ZNF682: variants seen among roughly 807,000 people sequenced by gnomAD.
ZNF682 encodes zinc finger protein 682.
Under a neutral mutation model 36.5 loss-of-function variants are expected in ZNF682, and 29 were observed. The ratio of observed to expected loss-of-function variants is 0.80; its 90% CI spans 0.59 to 1.08. ZNF682 has a LOEUF of 1.08. Ranked by LOEUF, ZNF682 falls within the 50% of genes least tolerant of loss-of-function variation. The pLI is 0.00. For missense variants in ZNF682, 561 were observed against 579.7 expected, an observed-to-expected ratio of 0.97 and a Z score of 0.33; for synonymous variants, 180 against 197.0, an observed-to-expected ratio of 0.91 and a Z score of 0.72.
intron 2 of ZNF682, 152 bp from the exon 3 acceptor site, chr19:20,023,251 C>A: frequency 3.2e-6 from 2 of 625,848 alleles, no homozygotes; most frequent in South Asian, 3.1e-5. Context: ...GTAATCCCAA[C>A]ATTTTGGGAG....
chr19:20,028,997 GA>G (rs1344757562), intron 1 of ZNF682, among the ~76,000 whole-genome samples: 5 of 77,576 alleles, frequency 6.4e-5, no homozygotes, highest in African/African-American at 1.7e-4. Context: ...TTTTTTTTTG[GA>G]GATAGAGTCT....
intron 3 of ZNF682, among the ~76,000 whole-genome samples, chr19:20,010,756 A>G (rs904451239): frequency 6.6e-6 from 1 of 151,992 alleles, no homozygotes; most frequent in Non-Finnish European, 1.5e-5. Context: ...CACCAGGTCA[A>G]GAGATCAAGA....
chr19:20,034,077 A>AT (rs1365809336), intron 1 of ZNF682: 2 of 154,364 alleles, frequency 1.3e-5, no homozygotes, highest in Non-Finnish European at 2.9e-5. Flanking sequence ...AATTGAAAGC[A>AT]TATTGAAGGA....
intron 1 of ZNF682, among the ~76,000 whole-genome samples, chr19:20,028,304 C>A (rs1366401852): frequency 2.0e-5 from 3 of 152,036 alleles, no homozygotes; most frequent in Non-Finnish European, 4.4e-5. Flanking sequence ...GCCTCCCAGG[C>A]TCAAGTGATT....
intron 1 of ZNF682, among the ~76,000 whole-genome samples, chr19:20,026,398 C>T (rs1487924678): frequency 6.6e-6 from 1 of 152,196 alleles, no homozygotes. Context: ...TCTGAGGACC[C>T]TATACCATCC....
At chr19:20,021,693 T>C (rs1188693754) in intron 3 of ZNF682, among the ~76,000 whole-genome samples, 17 of 152,184 alleles carry the variant, frequency 1.1e-4, no homozygotes, top group Non-Finnish European at 2.5e-4. Context: ...TGTGTATATG[T>C]ATACACACCT....
At chr19:20,022,918 G>A (rs1169106884) in intron 3 of ZNF682, 86 bp downstream of exon 3, 2 of 1,121,340 alleles carry the variant, frequency 1.8e-6, no homozygotes, top group Non-Finnish European at 1.3e-6. Context: ...TTGGAGCAGA[G>A]CTTCTCAAAT....
At chr19:20,010,120 T>C (rs548559480) in intron 3 of ZNF682, among the ~76,000 whole-genome samples, 130 of 152,112 alleles carry the variant, frequency 8.5e-4, no homozygotes, top group Non-Finnish European at 1.5e-3. Flanking sequence ...GAATAAAATA[T>C]TTCTCAGACA....
chr19:19,997,370 A>C (rs796779917), intron 3 of ZNF682: 18 of 397,590 alleles, frequency 4.5e-5, no homozygotes, highest in Non-Finnish European at 7.5e-5. Context: ...GGGTGACCTC[A>C]ATGGTTTCAC....
At chr19:19,996,202 T>C (rs887859085), downstream of ZNF682, among the ~76,000 whole-genome samples, 2 of 152,216 alleles carry the variant, frequency 1.3e-5, no homozygotes, top group African/African-American at 2.4e-5. Flanking sequence ...TCATCAACTA[T>C]TGAGGAGTCT....
chr19:20,006,514 T>C lies in ZNF682; in HGVS notation c.988A>G (p.Ile330Val). 1 of 1,614,114 alleles carries C rather than the reference T, an allele frequency of 6.2e-7. No homozygotes were observed. Among genetic ancestry groups the C allele is most frequent in the Non-Finnish European group, 8.5e-7 (1 of 1,180,006 alleles). ...TCTCCCGTATGGGTTCTCTCATGTA[T>C]AGTAAGTAGTGAGCAGTGGTTAAAG... ...KAFNHCSLLTIHERTHTGEKP... is the reference protein window; with the variant it reads ...KAFNHCSLLTVHERTHTGEKP... Residue 330 changes from isoleucine (I) to valine (V), a missense_variant, in exon 4 of 4, where the codon ATA becomes GTA. Coordinates refer to ENST00000397165, the MANE Select transcript of ZNF682 (RefSeq NM_033196.3).
At chr19:20,025,740 T>C (rs958821679) in intron 1 of ZNF682, among the ~76,000 whole-genome samples, 1 of 150,788 alleles carries the variant, frequency 6.6e-6, no homozygotes, top group African/African-American at 2.4e-5. Context: ...TGATGTACAG[T>C]GTCAACACAC....
At chr19:20,025,547 C>T (rs1004644852) in intron 1 of ZNF682, among the ~76,000 whole-genome samples, 1 of 151,828 alleles carries the variant, frequency 6.6e-6, no homozygotes, top group African/African-American at 2.4e-5. Context: ...CATGGTGGCA[C>T]GTGCCTGTAA....
At chr19:20,031,600 G>A (rs779630124) in intron 1 of ZNF682, among the ~76,000 whole-genome samples, 8 of 152,154 alleles carry the variant, frequency 5.3e-5, no homozygotes, top group South Asian at 4.1e-4. Flanking sequence ...AGCATGCTGC[G>A]CAAAACCAGA....
At position 20,007,095 on chromosome 19, in the gene ZNF682, C is replaced by T. The variant is rs941625742; in HGVS notation, c.407G>A (p.Cys136Tyr). ...AATTTTGCTAGGTAGAGTTGACAAACATTGGTTAAGTCCATTATAAATTTC... is the reference window on the plus strand; with the variant it reads ...AATTTTGCTAGGTAGAGTTGACAAATATTGGTTAAGTCCATTATAAATTTC... ...QKEIYNGLNQ[C>Y]LSTLPSKIFP... Residue 136 changes from cysteine (C) to tyrosine (Y), a missense_variant, in exon 4 of 4, where the codon TGT (cysteine) becomes TAT (tyrosine). Cys to Tyr is a radical substitution (Grantham distance 194). Coordinates refer to ENST00000397165, the MANE Select transcript of ZNF682 (RefSeq NM_033196.3). 8 of 1,613,458 alleles carry T rather than the reference C, an allele frequency of 5.0e-6. No homozygotes were observed. In the African/African-American group the frequency reaches 6.7e-5, roughly 13 times the overall value.
chr19:20,026,228 A>C (rs1041985402), intron 1 of ZNF682, among the ~76,000 whole-genome samples: 1 of 151,494 alleles, frequency 6.6e-6, no homozygotes, highest in Non-Finnish European at 1.5e-5. Context: ...GCGTGAACCC[A>C]GGAGGTGGAG....
chr19:20,003,372 C>T (rs1415133298), downstream of ZNF682, among the ~76,000 whole-genome samples: 1 of 151,642 alleles, frequency 6.6e-6, no homozygotes, highest in Non-Finnish European at 1.5e-5. Flanking sequence ...TCCAATAATT[C>T]CCGAGCAGAT....
At chr19:20,011,947 G>C (rs2088291967) in intron 3 of ZNF682, among the ~76,000 whole-genome samples, 2 of 152,042 alleles carry the variant, frequency 1.3e-5, no homozygotes, top group South Asian at 4.1e-4. Flanking sequence ...TGAGGCAGGA[G>C]AATCACTTGA....
At chr19:20,017,181 G>A (rs904611048) in intron 3 of ZNF682, among the ~76,000 whole-genome samples, 2 of 152,110 alleles carry the variant, frequency 1.3e-5, no homozygotes, top group South Asian at 4.1e-4. Flanking sequence ...AGCACAGAAC[G>A]TAATCGAAAA....
Sources: gnomAD v4.1 joint callset for allele counts (sites outside exome capture counted in the v4.1 genomes callset) on GRCh38, gnomAD v4.1.1 for gene constraint, MANE v1.5 for transcripts, NCBI Gene and HGNC (gene_info 2026-07-23, HGNC 2026-07-21) for gene names.